Variants in PRKCZ observed in about 807,000 individuals in gnomAD.
PRKCZ encodes the protein protein kinase C zeta type.
PRKCZ carries 33 observed loss-of-function variants against 79.5 expected under a neutral mutation model. That is an observed-to-expected ratio of 0.41 (90% CI 0.31 to 0.55). PRKCZ has a LOEUF of 0.55. Ranked by LOEUF, PRKCZ falls within the 20% of genes least tolerant of loss-of-function variation. The probability of loss-of-function intolerance (pLI) is 0.19; values close to 1 mark genes in which losing one functional copy is unlikely to be tolerated. For synonymous variants in PRKCZ, 342 were observed against 320.9 expected (o/e 1.07, Z -0.70); for missense variants, 578 against 813.5 (o/e 0.71, Z 3.52).
chr1:2,059,610 T>A lies in PRKCZ; in HGVS notation c.334+19T>A. ...GAAGACAGTGAGTACTGGGGTTTCC[T>A]ACGCCGGTCTCGCATGTTACGGGGT... On this transcript the variant is annotated intron_variant, in intron 4 of 17. Transcript: ENST00000378567. 1.9e-6 allele frequency: 3 copies of A among 1,613,810 alleles called. No homozygotes were observed. The highest frequency in any genetic ancestry group is 1.7e-6 in the Non-Finnish European group (2 of 1,179,670).
chr1:2,055,977 A>G (rs1660121580), intron 2 of PRKCZ: 1 of 184,826 alleles, frequency 5.4e-6, no homozygotes, highest in Non-Finnish European at 1.1e-5. Flanking sequence ...TCTTAGACAC[A>G]TCCTGAAAAA....
intron 10 of PRKCZ, among the ~76,000 whole-genome samples, chr1:2,166,028 G>A (rs1397861700): frequency 2.0e-5 from 3 of 152,208 alleles, no homozygotes; most frequent in Non-Finnish European, 4.4e-5. Flanking sequence ...ATCCGGCTGC[G>A]GTCTGCGTCT....
At position 2,173,330 on chromosome 1, in the gene PRKCZ, G is replaced by A. The variant is rs1488138819; in HGVS notation, c.1286-567G>A. ...AGTCTAGAACCCAGCTTGGGATGGGGATTCCGTGTGGGACAGCGGCAGCGT... is the reference window on the plus strand; with the variant it reads ...AGTCTAGAACCCAGCTTGGGATGGGAATTCCGTGTGGGACAGCGGCAGCGT... On this transcript the variant is annotated intron_variant, in intron 13 of 17. Transcript: ENST00000378567. The surrounding 1 kb of genome is among the most constrained non-coding windows in gnomAD (Gnocchi z 5.7). 6.6e-6 allele frequency among the ~76,000 whole-genome samples: 1 copy of A among 152,144 alleles called. No individual in the cohort carries two copies. Among genetic ancestry groups the A allele is most frequent in the Non-Finnish European group, 1.5e-5 (1 of 68,034 alleles).
intron 16 of PRKCZ, chr1:2,183,937 A>G (rs1268712911): frequency 6.6e-6 from 1 of 152,452 alleles, no homozygotes; most frequent in African/African-American, 2.4e-5. Flanking sequence ...TGGCTGTGTC[A>G]CTGGGACAAG....
At chr1:2,104,587 C>A in intron 4 of PRKCZ, 1 of 703,522 alleles carries the variant, frequency 1.4e-6, no homozygotes, top group Non-Finnish European at 1.7e-6. Flanking sequence ...GGGACAATCC[C>A]AGGTGGCAGG....
chr1:2,172,307 C>G lies in PRKCZ; in HGVS notation c.1204C>G (p.Leu402Val), dbSNP rs375070607. ...AGTAACTTTGCCCCCACAGGAAGGC[C>G]TGGGCCCTGGTGACACAACGAGCAC... is the stretch of plus-strand genomic sequence containing the variant. The part of the protein sequence containing the change: ...LTDYGMCKEG[L>V]GPGDTTSTFC... Residue 402 changes from leucine (L) to valine (V), a missense_variant, in exon 13 of 18, where the codon CTG becomes GTG. Around this residue, in one of 4 missense-constraint regions of PRKCZ, gnomAD observed 243 missense variants for 467.0 expected, o/e 0.52. Coordinates refer to ENST00000378567, the MANE Select transcript of PRKCZ (RefSeq NM_002744.6). The surrounding 1 kb of genome is among the most constrained non-coding windows in gnomAD (Gnocchi z 7.8). 3.1e-6 allele frequency: 5 copies of G among 1,613,644 alleles called. No individual in the cohort carries two copies. The highest frequency in any genetic ancestry group is 2.7e-5 in the African/African-American group (2 of 75,058).
rs1049114459 is a variant in PRKCZ, at chr1:2,075,921, G to A, written c.334+16330G>A. 3.9e-5 allele frequency among the ~76,000 whole-genome samples: 6 copies of A among 152,224 alleles called. No individual in the cohort carries two copies. Among genetic ancestry groups the A allele is most frequent in the Non-Finnish European group, 7.3e-5 (5 of 68,040 alleles). ...TCTCATCTGCCACACGTTTCTGATCGCCGAGGACTCAGCCGGGCACATGGA... is the reference window on the plus strand; with the variant it reads ...TCTCATCTGCCACACGTTTCTGATCACCGAGGACTCAGCCGGGCACATGGA... On this transcript the variant is annotated intron_variant, in intron 4 of 17. Coordinates refer to ENST00000378567, the MANE Select transcript of PRKCZ (RefSeq NM_002744.6). The surrounding 1 kb of genome is among the most constrained non-coding windows in gnomAD (Gnocchi z 4.8).
In PRKCZ at chr1:2,135,269, C is replaced by A; in HGVS notation, c.342C>A (p.Ile114=). 1 of 1,612,512 alleles carries A rather than the reference C, an allele frequency of 6.2e-7. No individual in the cohort carries two copies. Among genetic ancestry groups the A allele is most frequent in the Non-Finnish European group, 8.5e-7 (1 of 1,179,238 alleles). Residue 114 remains isoleucine (I), a synonymous_variant, in exon 5 of 18, where the codon ATC becomes ATA. Transcript: ENST00000378567. ...GLPCPGEDKS[I]YRRGARRWRK... ...TTCTCATATCCTTTCCAGAATCTAT[C>A]TACCGCCGGGGAGCCAGAAGATGGA... is the stretch of plus-strand genomic sequence containing the variant.
chr1:2,117,998 C>CTTT (rs1553152756), intron 4 of PRKCZ, among the ~76,000 whole-genome samples: 11 of 65,090 alleles, frequency 1.7e-4, no homozygotes, highest in East Asian at 1.2e-3. Context: ...CCTATTATTT[C>CTTT]TTTTTTTTTT....
Position 2,082,960 on chromosome 1 carries a change from A to C in PRKCZ, c.334+23369A>C, listed in dbSNP as rs1380342369. On this transcript the variant is annotated intron_variant, in intron 4 of 17. Transcript: ENST00000378567. This position sits in a 1 kb window ranked among gnomAD's most constrained non-coding sequence, Gnocchi z 4.4. The stretch of plus-strand genomic sequence containing the variant: ...CATGAGGGAGCAAGCCACCTCGGGC[A>C]CAGGTGAAGGACAGGTGTCCACACC... Among the ~76,000 whole-genome samples, 2 of 152,118 alleles carry C rather than the reference A, an allele frequency of 1.3e-5. No individual in the cohort carries two copies. Among genetic ancestry groups the C allele is most frequent in the Non-Finnish European group, 2.9e-5 (2 of 67,990 alleles).
rs1212590628 is a variant in PRKCZ, at chr1:2,177,250, AC to A, written c.1575+1939del. On this transcript the variant is annotated intron_variant, in intron 16 of 17. Transcript: ENST00000378567. This position sits in a 1 kb window ranked among gnomAD's most constrained non-coding sequence, Gnocchi z 6.4. ...TCCACACACACACTCAGGTCCAGGTACCACCCGGCTGAACCCGTAGCAGGTG... is the reference window on the plus strand; with the variant it reads ...TCCACACACACACTCAGGTCCAGGTACACCCGGCTGAACCCGTAGCAGGTG... 6.6e-6 allele frequency among the ~76,000 whole-genome samples: 1 copy of A among 152,124 alleles called. No homozygotes were observed. Among genetic ancestry groups the A allele is most frequent in the African/African-American group, 2.4e-5 (1 of 41,430 alleles).
Position 2,090,046 on chromosome 1 carries a change from C to A in PRKCZ, c.334+30455C>A, listed in dbSNP as rs115710799. Among the ~76,000 whole-genome samples, 1,037 of 152,286 alleles carry A rather than the reference C, an allele frequency of 6.8e-3. 8 individuals are homozygous for A. The highest frequency in any genetic ancestry group is 0.017 in the Middle Eastern group (5 of 294). ...GGAGCCGTCTCTTCTTCACCCGGGC[C>A]CTTCCTCCCCGTGCGGCCGTGTCCA... On this transcript the variant is annotated intron_variant, in intron 4 of 17. Transcript: ENST00000378567.
intron 4 of PRKCZ, among the ~76,000 whole-genome samples, chr1:2,131,674 G>A (rs1674980574): frequency 6.6e-6 from 1 of 152,196 alleles, no homozygotes; most frequent in African/African-American, 2.4e-5. Context: ...CCAGGGGCAG[G>A]ACTTAAGCCC....
intron 4 of PRKCZ, among the ~76,000 whole-genome samples, chr1:2,077,872 T>C (rs977114830): frequency 6.6e-6 from 1 of 152,262 alleles, no homozygotes; most frequent in African/African-American, 2.4e-5. Flanking sequence ...GTTATGTCAC[T>C]GTTTATTGTT....
Position 2,144,319 on chromosome 1 carries a change from C to G in PRKCZ, c.530C>G (p.Pro177Arg). 6.3e-7 allele frequency: 1 copy of G among 1,575,602 alleles called. No homozygotes were observed. The highest frequency in any genetic ancestry group is 8.6e-7 in the Non-Finnish European group (1 of 1,160,336). ...LVHKRCHGLV[P>R]LTCRKHMDSV... ...CATAAGCGCTGCCACGGCCTCGTCCCGCTGACCTGCAGGAAGCATATGGTG... is the reference window on the plus strand; with the variant it reads ...CATAAGCGCTGCCACGGCCTCGTCCGGCTGACCTGCAGGAAGCATATGGTG... The change falls in exon 6 of 18, where the codon CCG (proline) becomes CGG (arginine). Residue 177 changes from proline to arginine, a missense_variant. Physicochemically the swap from Pro to Arg is moderately radical, Grantham distance 103. Transcript: ENST00000378567.
chr1:2,164,256 G>T (rs1024159807), intron 10 of PRKCZ, among the ~76,000 whole-genome samples: 2 of 152,220 alleles, frequency 1.3e-5, no homozygotes, highest in African/African-American at 4.8e-5. Context: ...AGGCCTTGGG[G>T]GTACACAACC....
intron 1 of PRKCZ, among the ~76,000 whole-genome samples, chr1:2,051,282 C>T (rs753293913): frequency 3.3e-5 from 5 of 152,166 alleles, no homozygotes; most frequent in Admixed American, 6.5e-5. Flanking sequence ...CCTTGCCTGG[C>T]TGTGGGAGGG....
At position 2,177,497 on chromosome 1, in the gene PRKCZ, C is replaced by T. The variant is rs969198575; in HGVS notation, c.1575+2184C>T. ...TGTCTCTCAACCACTCTTGGTTTAC[C>T]GGGAGTGGACAGATGAGGACAGATG... is the stretch of plus-strand genomic sequence containing the variant. On this transcript the variant is annotated intron_variant, in intron 16 of 17. Transcript: ENST00000378567. The surrounding 1 kb of genome is among the most constrained non-coding windows in gnomAD (Gnocchi z 6.4). Among the ~76,000 whole-genome samples, 12 of 152,172 alleles carry T rather than the reference C, an allele frequency of 7.9e-5. No individual in the cohort carries two copies. The highest frequency in any genetic ancestry group is 1.9e-4 in the East Asian group (1 of 5,200).
chr1:2,148,128 G>A (rs569950179), intron 7 of PRKCZ, among the ~76,000 whole-genome samples: 3 of 99,252 alleles, frequency 3.0e-5, no homozygotes, highest in East Asian at 3.0e-4. Context: ...GTCCACTGAC[G>A]TCTCCATCTA....
Sources: allele counts gnomAD v4.1 joint callset (sites outside exome capture counted in the v4.1 genomes callset), GRCh38; gene constraint gnomAD v4.1.1; regional missense constraint gnomAD v4.1.1; non-coding constraint Gnocchi (gnomAD v3.1); transcripts MANE v1.5; gene names NCBI Gene and HGNC (gene_info 2026-07-23, HGNC 2026-07-21).